DOCK1: variants seen among roughly 807,000 people sequenced by gnomAD.
The protein encoded by DOCK1 is dedicator of cytokinesis 1.
A neutral mutation model predicts 262.7 loss-of-function variants in DOCK1; 138 were observed. The observed-to-expected ratio is 0.53, with a 90% CI of 0.46 to 0.61. DOCK1 has a LOEUF of 0.61. Ranked by LOEUF, DOCK1 falls within the 20% of genes least tolerant of loss-of-function variation. The pLI is 0.00. For missense variants in DOCK1, 1,908 were observed against 2,370.7 expected (o/e 0.80, Z 4.05); for synonymous variants, 866 against 867.4 (o/e 1.00, Z 0.03).
At chr10:127,329,525 C>T (rs1051340301) in intron 29 of DOCK1, among the ~76,000 whole-genome samples, 4 of 147,922 alleles carry the variant, frequency 2.7e-5, no homozygotes, top group African/African-American at 7.5e-5. Flanking sequence ...GGTGCTGGGG[C>T]GAGCAGACAC....
intron 38 of DOCK1, among the ~76,000 whole-genome samples, chr10:127,395,906 T>C (rs768894836): frequency 6.6e-6 from 1 of 152,220 alleles, no homozygotes; most frequent in Non-Finnish European, 1.5e-5. Context: ...AGGAAGGGAA[T>C]GCTTCACTTG....
At chr10:126,934,416 C>G (rs1280561459) in intron 1 of DOCK1, among the ~76,000 whole-genome samples, 1 of 152,216 alleles carries the variant, frequency 6.6e-6, no homozygotes, top group Non-Finnish European at 1.5e-5. Context: ...CTGTTGCAGG[C>G]TCCCACCTTC....
At chr10:126,907,956 G>A (rs991287635) in intron 1 of DOCK1, among the ~76,000 whole-genome samples, 1 of 152,224 alleles carries the variant, frequency 6.6e-6, no homozygotes, top group Non-Finnish European at 1.5e-5. Flanking sequence ...AAGTATCTGG[G>A]ATGGTTTTGC....
At chr10:127,328,460 C>T (rs1045509964) in intron 29 of DOCK1, among the ~76,000 whole-genome samples, 1 of 152,200 alleles carries the variant, frequency 6.6e-6, no homozygotes, top group African/African-American at 2.4e-5. Flanking sequence ...AATAAAGATT[C>T]TGCACAGATG....
chr10:126,915,609 C>T (rs772559787), intron 1 of DOCK1, among the ~76,000 whole-genome samples: 14 of 152,038 alleles, frequency 9.2e-5, no homozygotes, highest in Non-Finnish European at 1.8e-4. Context: ...AGTAGTAACA[C>T]GGGGTTTAGT....
In DOCK1 at chr10:127,075,229, G is replaced by T. The variant is rs915137827; in HGVS notation, c.2445+13453G>T. Among the ~76,000 whole-genome samples, 8 of 148,568 alleles carry T rather than the reference G, an allele frequency of 5.4e-5. No homozygotes were observed. The Admixed American group carries it at 5.4e-4, about 10-fold the overall frequency. ...AGTTGTTATGTCTGGGAAATTAGGT[G>T]GCCATCAAGTTTTTTCATGGTTTTT... On this transcript the variant is annotated intron_variant, in intron 23 of 51. Coordinates refer to ENST00000623213, the MANE Select transcript of DOCK1 (RefSeq NM_001290223.2).
chr10:127,354,717 G>A lies in DOCK1; in HGVS notation c.3273G>A (p.Trp1091Ter). Residue 1091 changes from tryptophan to a stop codon, truncating the protein, a stop_gained, in exon 32 of 52, where the codon TGG becomes TGA. Transcript: ENST00000623213. LOFTEE classifies it high-confidence loss of function. ...TTGGCTTTGAAATCAGAGACATGTG[G>A]TACAACCTTGGTGAGTAGCCTGGAT... ...RQIGFEIRDM[W>*]YNLGQHKIKF... The A allele has an allele frequency of 6.2e-7, 1 of 1,613,918 alleles. No individual in the cohort carries two copies. Among genetic ancestry groups the A allele is most frequent in the Non-Finnish European group, 8.5e-7 (1 of 1,179,818 alleles).
At chr10:127,122,255 C>T (rs1592110001) in intron 25 of DOCK1, among the ~76,000 whole-genome samples, 2 of 152,122 alleles carry the variant, frequency 1.3e-5, no homozygotes, top group African/African-American at 4.8e-5. Context: ...GACCAGGTGA[C>T]GGACGGTACT....
Position 126,905,472 on chromosome 10 carries a change from T to C in DOCK1, c.-46T>C. 3.9e-6 allele frequency: 2 copies of C among 513,284 alleles called. No homozygotes were observed. Among genetic ancestry groups the C allele is most frequent in the Non-Finnish European group, 7.2e-6 (2 of 278,132 alleles). 31.8% of individuals were successfully genotyped at this position (513,284 alleles called of 1,614,324 possible). A position where few individuals can be genotyped will look rare whatever the true frequency, so the allele number is the denominator to read the frequency against. On this transcript the variant is annotated 5_prime_UTR_variant, in exon 1 of 52. An upstream open reading frame in the 5' UTR loses its in-frame stop. Transcript: ENST00000623213. The stretch of plus-strand genomic sequence containing the variant: ...TCGAAAGGAATGGAAAATGGCGGCC[T>C]AGACGCGGAGTTTCCTGCCCGACCC...
rs34290357 is a variant in DOCK1 at position 127,446,264 on chromosome 10, GAAA to G, written c.5414-1121_5414-1119del. Among the ~76,000 whole-genome samples the G allele has an allele frequency of 7.0e-6, 1 of 142,862 alleles. No homozygotes were observed. Among genetic ancestry groups the G allele is most frequent in the African/African-American group, 2.7e-5 (1 of 36,866 alleles). The allele number at this position is 142,862 out of a possible 152,430, so 93.7% of individuals were successfully genotyped here. On this transcript the variant is annotated intron_variant, in intron 50 of 51. Transcript: ENST00000623213. The surrounding 1 kb of genome is among the most constrained non-coding windows in gnomAD (Gnocchi z 4.4). ...GACTCCATCCCAAACAAAAAGAAAA[GAAA>G]AAAAAAAAGAAAGTAGAATAGAGGA...
chr10:127,439,007 G>A lies in DOCK1; in HGVS notation c.5061-20G>A, dbSNP rs369079549. 1.7e-5 allele frequency: 27 copies of A among 1,543,280 alleles called. No homozygotes were observed. Among genetic ancestry groups the A allele is most frequent in the South Asian group, 1.3e-4 (11 of 82,394 alleles). ...AAAGCAATTGCTCTCCTATTAAGAC[G>A]TCATTGACCTTTCCTTTAGGTTTGC... On this transcript the variant is annotated intron_variant, in intron 48 of 51. Transcript: ENST00000623213.
intron 19 of DOCK1, among the ~76,000 whole-genome samples, chr10:127,039,144 A>G (rs2043853248): frequency 6.6e-6 from 1 of 152,242 alleles, no homozygotes; most frequent in Non-Finnish European, 1.5e-5. Flanking sequence ...CCTGAATCGT[A>G]TAACTCTTCA....
At chr10:127,362,942 CACACAT>C (rs1280078892) in intron 33 of DOCK1, among the ~76,000 whole-genome samples, 1 of 144,266 alleles carries the variant, frequency 6.9e-6, no homozygotes, top group Admixed American at 6.8e-5. Flanking sequence ...CATCCCCCCA[CACACAT>C]ACACATGTGC....
rs7091799 is a variant in DOCK1 at position 127,221,875 on chromosome 10, A to G, written c.2848-26133A>G. ...AATGGAATGCCTTAGTGCTATTTCA[A>G]TTAAAAAATATTGATGGTAAATGTT... On this transcript the variant is annotated intron_variant, in intron 27 of 51. Transcript: ENST00000623213. Among the ~76,000 whole-genome samples, 951 of 152,316 alleles carry G rather than the reference A, an allele frequency of 6.2e-3. 12 individuals carry two copies. The highest frequency in any genetic ancestry group is 0.021 in the African/African-American group (885 of 41,564).
intron 1 of DOCK1, among the ~76,000 whole-genome samples, chr10:126,931,931 G>A (rs2034220702): frequency 6.6e-6 from 1 of 152,124 alleles, no homozygotes; most frequent in African/African-American, 2.4e-5. Context: ...AGGTTACTTA[G>A]AAAGGTAACA....
At chr10:126,986,548 A>G (rs2039403932) in intron 4 of DOCK1, among the ~76,000 whole-genome samples, 1 of 152,222 alleles carries the variant, frequency 6.6e-6, no homozygotes, top group Non-Finnish European at 1.5e-5. Context: ...TGCCTGACCC[A>G]GAGCACATGC....
At chr10:127,254,966 A>T (rs1393708187) in intron 28 of DOCK1, among the ~76,000 whole-genome samples, 1 of 152,192 alleles carries the variant, frequency 6.6e-6, no homozygotes, top group East Asian at 1.9e-4. Context: ...GTGCGAGAGG[A>T]TGGCTGTTTT....
chr10:127,337,321 TG>T (rs549552871), intron 29 of DOCK1, among the ~76,000 whole-genome samples: 16 of 152,148 alleles, frequency 1.1e-4, no homozygotes, highest in Non-Finnish European at 1.9e-4. Context: ...TTTGTACTTC[TG>T]GGGGCTGAAG....
At chr10:127,398,619 C>G (rs1181333542) in intron 38 of DOCK1, among the ~76,000 whole-genome samples, 4 of 152,170 alleles carry the variant, frequency 2.6e-5, no homozygotes, top group African/African-American at 9.7e-5. Context: ...TGACTCTTTT[C>G]CCAATAACTG....
Sources: allele counts gnomAD v4.1 joint callset (sites outside exome capture counted in the v4.1 genomes callset), GRCh38; gene constraint gnomAD v4.1.1; non-coding constraint Gnocchi (gnomAD v3.1); transcripts MANE v1.5; gene names NCBI Gene and HGNC (gene_info 2026-07-23, HGNC 2026-07-21).